Variants in ADAMTS2 observed in about 807,000 individuals in gnomAD.
ADAMTS2 encodes A disintegrin and metalloproteinase with thrombospondin motifs 2.
ADAMTS2 carries 50 observed loss-of-function variants against 123.0 expected under a neutral mutation model. That is an observed-to-expected ratio of 0.41 (90% confidence interval 0.32 to 0.51). The LOEUF (loss-of-function observed/expected upper bound fraction) is 0.51, where lower values mean the gene tolerates loss of function less well. ADAMTS2 is among the 20% of genes least tolerant of loss of function. The pLI is 0.35. For missense variants in ADAMTS2, 1,494 were observed against 1,705.2 expected, an observed-to-expected ratio of 0.88 and a Z score of 2.18; for synonymous variants, 678 against 695.4, an observed-to-expected ratio of 0.98 and a Z score of 0.39.
intron 3 of ADAMTS2, among the ~76,000 whole-genome samples, chr5:179,217,129 G>A (rs2113396254): frequency 6.6e-6 from 1 of 152,338 alleles, no homozygotes; most frequent in African/African-American, 2.4e-5. Flanking sequence ...AAACAACACG[G>A]GGGTCATCAG....
chr5:179,112,069 C>T lies in ADAMTS2; in HGVS notation c.*1798G>A, dbSNP rs375472456. 2 of 152,276 alleles carry T rather than the reference C, an allele frequency of 1.3e-5. No individual in the cohort carries two copies. The highest frequency in any genetic ancestry group is 1.9e-4 in the East Asian group (1 of 5,192). 9.4% of individuals were successfully genotyped at this position (152,276 alleles called of 1,614,324 possible). The stretch of plus-strand genomic sequence containing the variant: ...ATTCCGTTCTTGCTGGTTCCTACAT[C>T]GTCATTTTGTCCCTTGGATCATACA... On this transcript the variant is annotated 3_prime_UTR_variant, in exon 22 of 22. Transcript: ENST00000251582.
chr5:179,273,304 A>G (rs1046763934), intron 2 of ADAMTS2, among the ~76,000 whole-genome samples: 1 of 152,070 alleles, frequency 6.6e-6, no homozygotes, highest in African/African-American at 2.4e-5. Flanking sequence ...CCACCCCTAT[A>G]CACCAACCCT....
chr5:179,137,631 C>T, intron 12 of ADAMTS2, 138 bp downstream of exon 12: 7 of 1,225,170 alleles, frequency 5.7e-6, no homozygotes, highest in Non-Finnish European at 5.7e-6. Context: ...GGCAGCCACA[C>T]CAGCCAGGGT....
chr5:179,140,101 C>A, intron 10 of ADAMTS2, 66 bp from the exon 11 acceptor site: 1 of 1,608,328 alleles, frequency 6.2e-7, no homozygotes, highest in South Asian at 1.1e-5. Context: ...GTCCTGCGCT[C>A]TGCAGCCTGC....
intron 10 of ADAMTS2, among the ~76,000 whole-genome samples, chr5:179,140,288 C>A (rs1384436143): frequency 2.6e-5 from 4 of 152,256 alleles, no homozygotes; most frequent in Non-Finnish European, 5.9e-5. Context: ...TGCCTTCTAG[C>A]AGCTCTGTGT....
chr5:179,303,465 C>A lies in ADAMTS2; in HGVS notation c.535-30401G>T, dbSNP rs1581259478. On this transcript the variant is annotated intron_variant, in intron 2 of 21. Coordinates refer to ENST00000251582, the MANE Select transcript of ADAMTS2 (RefSeq NM_014244.5). This position sits in a 1 kb window ranked among gnomAD's most constrained non-coding sequence, Gnocchi z 4.7. The stretch of plus-strand genomic sequence containing the variant: ...TAGAATGTGAGGTTCAGCAAACCCG[C>A]AGAGTTTACTCTTCATTCTCTGGTA... Among the ~76,000 whole-genome samples, 3 of 152,178 alleles carry A rather than the reference C, an allele frequency of 2.0e-5. No individual in the cohort carries two copies. The South Asian group carries it at 6.2e-4, about 32-fold the overall frequency.
chr5:179,322,388 C>T (rs1309420599), intron 2 of ADAMTS2, among the ~76,000 whole-genome samples: 1 of 152,156 alleles, frequency 6.6e-6, no homozygotes, highest in Admixed American at 6.5e-5. Flanking sequence ...TGAAATAACC[C>T]GCCCATGGTC....
chr5:179,136,843 G>A (rs1211214310), intron 12 of ADAMTS2, among the ~76,000 whole-genome samples: 2 of 151,846 alleles, frequency 1.3e-5, no homozygotes, highest in Non-Finnish European at 2.9e-5. Flanking sequence ...GGTGGCGTGC[G>A]CCTGAAGTCC....
chr5:179,172,003 G>A (rs1219200628), intron 5 of ADAMTS2, among the ~76,000 whole-genome samples: 2 of 152,146 alleles, frequency 1.3e-5, no homozygotes, highest in Admixed American at 6.5e-5. Flanking sequence ...GGGGCCGGGG[G>A]TAAGCTGGTT....
intron 2 of ADAMTS2, among the ~76,000 whole-genome samples, chr5:179,297,721 A>G (rs1264881564): frequency 1.3e-5 from 2 of 151,838 alleles, no homozygotes; most frequent in African/African-American, 2.4e-5. Flanking sequence ...GAGGACGGAG[A>G]GCTCTTGCTC....
At chr5:179,321,488 C>T (rs1230775829) in intron 2 of ADAMTS2, among the ~76,000 whole-genome samples, 1 of 152,004 alleles carries the variant, frequency 6.6e-6, no homozygotes, top group Non-Finnish European at 1.5e-5. Flanking sequence ...ATTCCCTGAA[C>T]CCCCTCCTCT....
Position 179,312,165 on chromosome 5 carries a change from T to A in ADAMTS2, c.534+31602A>T, listed in dbSNP as rs1310246575. Among the ~76,000 whole-genome samples the A allele has an allele frequency of 6.6e-5, 10 of 152,138 alleles. No individual in the cohort carries two copies. Among genetic ancestry groups the A allele is most frequent in the Admixed American group, 6.5e-4 (10 of 15,276 alleles). ...CCCAATCCCTGGAACCCATAAATGT[T>A]ACCTTCCATGGCAAAAAAGAACTTT... On this transcript the variant is annotated intron_variant, in intron 2 of 21. Coordinates refer to ENST00000251582, the MANE Select transcript of ADAMTS2 (RefSeq NM_014244.5). The surrounding 1 kb of genome is among the most constrained non-coding windows in gnomAD (Gnocchi z 4.2).
In ADAMTS2 at chr5:179,158,886, G is replaced by A. The variant is rs778754839; in HGVS notation, c.976-7C>T. On this transcript the variant is annotated splice_polypyrimidine_tract_variant and splice_region_variant and intron_variant, in intron 5 of 21. Coordinates refer to ENST00000251582, the MANE Select transcript of ADAMTS2 (RefSeq NM_014244.5). The surrounding 1 kb of genome is among the most constrained non-coding windows in gnomAD (Gnocchi z 5.0). ...TCTCGATGAGGCTCATGGACTGCAGGGGGATGGAGAGAAATGGAAGAGAGA... is the reference window on the plus strand; with the variant it reads ...TCTCGATGAGGCTCATGGACTGCAGAGGGATGGAGAGAAATGGAAGAGAGA... 6.2e-7 allele frequency: 1 copy of A among 1,613,854 alleles called. No individual in the cohort carries two copies. The highest frequency in any genetic ancestry group is 8.5e-7 in the Non-Finnish European group (1 of 1,179,950).
intron 2 of ADAMTS2, among the ~76,000 whole-genome samples, chr5:179,328,580 T>C (rs2127458407): frequency 6.6e-6 from 1 of 152,360 alleles, no homozygotes; most frequent in African/African-American, 2.4e-5. Context: ...TGATTTGCAC[T>C]AATGTGTCAT....
chr5:179,170,937 C>T lies in ADAMTS2; in HGVS notation c.975+10135G>A, dbSNP rs1393899678. Among the ~76,000 whole-genome samples the T allele has an allele frequency of 2.6e-5, 4 of 152,188 alleles. No individual in the cohort carries two copies. Among genetic ancestry groups the T allele is most frequent in the Non-Finnish European group, 4.4e-5 (3 of 68,030 alleles). ...AGAGACCTGAAAACAGGGCCTCCCC[C>T]AGTGCTATGCAAAGTGAAGTCTGTG... On this transcript the variant is annotated intron_variant, in intron 5 of 21. Transcript: ENST00000251582. The surrounding 1 kb of genome is among the most constrained non-coding windows in gnomAD (Gnocchi z 4.3).
rs1383295354 is a variant in ADAMTS2, at chr5:179,189,638, T to G, written c.892-8483A>C. ...TCCCAAAGTGCTGGGATTACAGGCG[T>G]GAGCCACCGCGCCCGGCCAGGAGCA... is the stretch of plus-strand genomic sequence containing the variant. On this transcript the variant is annotated intron_variant, in intron 4 of 21. Transcript: ENST00000251582. This position sits in a 1 kb window ranked among gnomAD's most constrained non-coding sequence, Gnocchi z 4.2. 6.7e-6 allele frequency among the ~76,000 whole-genome samples: 1 copy of G among 149,658 alleles called. No individual in the cohort carries two copies. The highest frequency in any genetic ancestry group is 1.5e-5 in the Non-Finnish European group (1 of 67,690).
rs1299223687 is a variant in ADAMTS2 at position 179,303,437 on chromosome 5, G to A, written c.535-30373C>T. Among the ~76,000 whole-genome samples, 1 of 152,134 alleles carries A rather than the reference G, an allele frequency of 6.6e-6. No individual in the cohort carries two copies. Among genetic ancestry groups the A allele is most frequent in the Non-Finnish European group, 1.5e-5 (1 of 68,020 alleles). ...TAACAGCATGCAGATTGGGGAAGAA[G>A]ACTAGAATGTGAGGTTCAGCAAACC... On this transcript the variant is annotated intron_variant, in intron 2 of 21. Coordinates refer to ENST00000251582, the MANE Select transcript of ADAMTS2 (RefSeq NM_014244.5). The surrounding 1 kb of genome is among the most constrained non-coding windows in gnomAD (Gnocchi z 4.7).
chr5:179,344,187 G>T (rs753799600), intron 1 of ADAMTS2, 26 bp from the exon 2 acceptor site: 3 of 1,570,054 alleles, frequency 1.9e-6, no homozygotes, highest in Admixed American at 1.8e-5. Context: ...GCGTTAGATC[G>T]GCGGAGACCA....
Position 179,132,376 on chromosome 5 carries a change from C to T in ADAMTS2, c.2210-66G>A, listed in dbSNP as rs1311038309. On this transcript the variant is annotated intron_variant, in intron 14 of 21. Transcript: ENST00000251582. This position sits in a 1 kb window ranked among gnomAD's most constrained non-coding sequence, Gnocchi z 6.1. ...AGGCGCCGCTCAAATTCGCACCATG[C>T]AAGGAGGGGCCTCGCTCTTGAAGGC... is the stretch of plus-strand genomic sequence containing the variant. The T allele has an allele frequency of 1.0e-5, 15 of 1,472,684 alleles. No homozygotes were observed. The highest frequency in any genetic ancestry group is 1.2e-5 in the Non-Finnish European group (13 of 1,057,930). 91.2% of individuals were successfully genotyped at this position (1,472,684 alleles called of 1,614,324 possible). A position where few individuals can be genotyped will look rare whatever the true frequency, so the allele number is the denominator to read the frequency against.
Sources: gnomAD v4.1 joint callset for allele counts (sites outside exome capture counted in the v4.1 genomes callset) on GRCh38, gnomAD v4.1.1 for gene constraint, Gnocchi (gnomAD v3.1) non-coding constraint, MANE v1.5 for transcripts, NCBI Gene and HGNC (gene_info 2026-07-23, HGNC 2026-07-21) for gene names.